DOCK2: variants seen among roughly 807,000 people sequenced by gnomAD.
The protein encoded by DOCK2 is dedicator of cytokinesis protein 2.
Under a neutral mutation model 248.9 loss-of-function variants are expected in DOCK2, and 87 were observed. That is an observed-to-expected ratio of 0.35 (90% confidence interval 0.29 to 0.42). DOCK2 has a LOEUF of 0.42. DOCK2 is among the 10% of genes least tolerant of loss of function. The probability of loss-of-function intolerance (pLI) is 1.00; values close to 1 mark genes in which losing one functional copy is unlikely to be tolerated. For missense variants in DOCK2, 1,747 were observed against 2,300.2 expected (o/e 0.76, Z 4.92); for synonymous variants, 805 against 821.6 (o/e 0.98, Z 0.35).
At chr5:170,017,522 T>C (rs140731752) in intron 32 of DOCK2, among the ~76,000 whole-genome samples, 231 of 152,346 alleles carry the variant, frequency 1.5e-3, no homozygotes, top group African/African-American at 5.3e-3. Context: ...CTCCCCTTTA[T>C]GGTTCATTTT....
intron 25 of DOCK2, among the ~76,000 whole-genome samples, chr5:169,791,260 A>G (rs960758006): frequency 1.2e-4 from 18 of 152,222 alleles, no homozygotes; most frequent in African/African-American, 4.1e-4. Context: ...GATGAGGAAA[A>G]GGTAGCGAAT....
At chr5:169,690,251 G>A (rs535920381) in intron 9 of DOCK2, among the ~76,000 whole-genome samples, 3 of 152,112 alleles carry the variant, frequency 2.0e-5, no homozygotes, top group Admixed American at 1.3e-4. Flanking sequence ...TTGTCTGTAA[G>A]CTTCTTTGGG....
At chr5:169,956,377 A>T (rs950734605) in intron 27 of DOCK2, among the ~76,000 whole-genome samples, 5 of 152,178 alleles carry the variant, frequency 3.3e-5, no homozygotes, top group African/African-American at 1.2e-4. Flanking sequence ...GCTGCTCCTG[A>T]TCTCATGGGG....
intron 22 of DOCK2, among the ~76,000 whole-genome samples, chr5:169,733,703 A>T (rs139620768): frequency 1.4e-3 from 211 of 152,162 alleles, no homozygotes; most frequent in African/African-American, 4.3e-3. Flanking sequence ...GTTTTTCTAG[A>T]TATAGACTTA....
rs534530760 is a variant in DOCK2, at chr5:169,701,339, C to T, written c.1259-964C>T. ...TTGAAACTTCTCTTTGTGTCTTAAA[C>T]CTGTGTCTTGGACTTCCGTTCACGA... On this transcript the variant is annotated intron_variant, in intron 13 of 51. Coordinates refer to ENST00000520908, the MANE Select transcript of DOCK2 (RefSeq NM_004946.3). Among the ~76,000 whole-genome samples, 11 of 152,304 alleles carry T rather than the reference C, an allele frequency of 7.2e-5. No individual in the cohort carries two copies. In the South Asian group the frequency reaches 2.3e-3, roughly 32 times the overall value.
chr5:169,919,569 A>G (rs1210292871), intron 27 of DOCK2, among the ~76,000 whole-genome samples: 2 of 152,204 alleles, frequency 1.3e-5, no homozygotes, highest in East Asian at 1.9e-4. Context: ...TGGACATTAA[A>G]CTGATCATTA....
chr5:169,930,116 G>A (rs563618845), intron 27 of DOCK2, among the ~76,000 whole-genome samples: 5 of 152,190 alleles, frequency 3.3e-5, no homozygotes, highest in Admixed American at 6.5e-5. Flanking sequence ...TCAGCCTCCC[G>A]AGTAGCTGGG....
At chr5:169,984,222 A>C (rs376259726) in intron 28 of DOCK2, among the ~76,000 whole-genome samples, 64 of 152,274 alleles carry the variant, frequency 4.2e-4, no homozygotes, top group Middle Eastern at 3.4e-3. Flanking sequence ...TGTAACCCTT[A>C]TACCACACTA....
chr5:170,041,222 GAA>G, intron 37 of DOCK2, 77 bp downstream of exon 37: 1 of 1,282,556 alleles, frequency 7.8e-7, no homozygotes, highest in Non-Finnish European at 1.1e-6. Flanking sequence ...AGTGAAAAAA[GAA>G]AAAAAAGAAA....
chr5:170,008,638 A>G (rs760282238), intron 31 of DOCK2, 41 bp downstream of exon 31: 1 of 1,614,082 alleles, frequency 6.2e-7, no homozygotes, highest in South Asian at 1.1e-5. Flanking sequence ...GGGGAGGTCC[A>G]TGAGATCCTC....
At chr5:169,941,167 C>T (rs750245809) in intron 27 of DOCK2, among the ~76,000 whole-genome samples, 1 of 152,106 alleles carries the variant, frequency 6.6e-6, no homozygotes, top group Non-Finnish European at 1.5e-5. Context: ...GATCCCTTGT[C>T]TGTGAGCTCC....
chr5:169,825,902 T>C (rs188623026), intron 26 of DOCK2, among the ~76,000 whole-genome samples: 3 of 151,722 alleles, frequency 2.0e-5, no homozygotes, highest in South Asian at 2.1e-4. Context: ...CTTGGTTATA[T>C]GGTGAAAAGT....
At chr5:169,859,766 A>G (rs2113400707) in intron 27 of DOCK2, among the ~76,000 whole-genome samples, 1 of 152,254 alleles carries the variant, frequency 6.6e-6, no homozygotes, top group East Asian at 1.9e-4. Flanking sequence ...AGCCTTCCTT[A>G]ATTGACTTGT....
In DOCK2 at chr5:169,690,286, C is replaced by T. The variant is rs369127843; in HGVS notation, c.843+953C>T. On this transcript the variant is annotated intron_variant, in intron 9 of 51. Coordinates refer to ENST00000520908, the MANE Select transcript of DOCK2 (RefSeq NM_004946.3). The stretch of plus-strand genomic sequence containing the variant: ...GGAGAACACTGTTTATGAGATTTTT[C>T]ACTACATTGCCTGTATTAGCTAGGG... Among the ~76,000 whole-genome samples the T allele has an allele frequency of 5.1e-4, 77 of 152,218 alleles. 1 individual carries two copies. The highest frequency in any genetic ancestry group is 1.7e-3 in the African/African-American group (70 of 41,526).
intron 27 of DOCK2, among the ~76,000 whole-genome samples, chr5:169,893,827 T>C (rs1232417848): frequency 6.6e-6 from 1 of 152,212 alleles, no homozygotes; most frequent in East Asian, 1.9e-4. Flanking sequence ...ATTTTCCACA[T>C]GGGAGAGGGA....
At position 170,047,728 on chromosome 5, in the gene DOCK2, C is replaced by A; in HGVS notation, c.4071+114C>A. ...GCTCAGAAGCGGTGCTCTTCTCTGT[C>A]TGAGTGCTGCCCCCATCCCCAGGAG... is the stretch of plus-strand genomic sequence containing the variant. On this transcript the variant is annotated intron_variant, in intron 40 of 51. Coordinates refer to ENST00000520908, the MANE Select transcript of DOCK2 (RefSeq NM_004946.3). The A allele has an allele frequency of 3.4e-6, 3 of 892,444 alleles. No homozygotes were observed. In the Admixed American group the frequency reaches 7.9e-5, roughly 23 times the overall value. The allele number at this position is 892,444 out of a possible 1,614,324, so 55.3% of individuals were successfully genotyped here.
intron 25 of DOCK2, among the ~76,000 whole-genome samples, chr5:169,775,984 G>A (rs977889929): frequency 1.8e-4 from 27 of 151,670 alleles, no homozygotes; most frequent in African/African-American, 5.8e-4. Context: ...GGGAAAAATG[G>A]CATTTATTCT....
intron 27 of DOCK2, among the ~76,000 whole-genome samples, chr5:169,863,355 TC>T (rs1175286598): frequency 6.6e-6 from 1 of 152,242 alleles, no homozygotes; most frequent in Non-Finnish European, 1.5e-5. Context: ...TTGTGTTTTA[TC>T]TTAGCCTTAT....
chr5:169,885,104 C>A lies in DOCK2; in HGVS notation c.2799+44252C>A, dbSNP rs186480844. Among the ~76,000 whole-genome samples, 796 of 152,324 alleles carry A rather than the reference C, an allele frequency of 5.2e-3. 7 individuals are homozygous for A. The highest frequency in any genetic ancestry group is 0.016 in the African/African-American group (682 of 41,556). ...CCAGCAATTTCTCAGGCAGCCTTTA[C>A]AATGTCTCCCTCTTACTCACACACC... On this transcript the variant is annotated intron_variant, in intron 27 of 51. Transcript: ENST00000520908.
Sources: gnomAD v4.1 joint callset for allele counts (sites outside exome capture counted in the v4.1 genomes callset) on GRCh38, gnomAD v4.1.1 for gene constraint, MANE v1.5 for transcripts, NCBI Gene and HGNC (gene_info 2026-07-23, HGNC 2026-07-21) for gene names.